SLC4A4: variants seen among roughly 807,000 people sequenced by gnomAD.
SLC4A4 encodes electrogenic sodium bicarbonate cotransporter 1.
Under a neutral mutation model 111.5 loss-of-function variants are expected in SLC4A4, and 27 were observed. The ratio of observed to expected loss-of-function variants is 0.24; its 90% CI spans 0.18 to 0.33. The LOEUF is 0.33. Ranked by LOEUF, SLC4A4 falls within the 10% of genes least tolerant of loss-of-function variation. The probability of loss-of-function intolerance (pLI) is 1.00; values close to 1 mark genes in which losing one functional copy is unlikely to be tolerated. For synonymous variants in SLC4A4, 443 were observed against 463.4 expected, an observed-to-expected ratio of 0.96 and a Z score of 0.57; for missense variants, 909 against 1,315.5, an observed-to-expected ratio of 0.69 and a Z score of 4.78.
chr4:71,466,780 G>T (rs1279654284), intron 13 of SLC4A4, among the ~76,000 whole-genome samples: 2 of 151,958 alleles, frequency 1.3e-5, no homozygotes, highest in Non-Finnish European at 2.9e-5. Context: ...CTCTTATGTT[G>T]TGTGTATCCT....
At chr4:71,444,847 T>G (rs1288605764) in intron 8 of SLC4A4, among the ~76,000 whole-genome samples, 2 of 152,170 alleles carry the variant, frequency 1.3e-5, no homozygotes, top group East Asian at 3.9e-4. Context: ...CATTTTTGGC[T>G]TGAGGTTATG....
chr4:71,343,770 T>A (rs78936190), intron 4 of SLC4A4, among the ~76,000 whole-genome samples: 2,706 of 152,282 alleles, frequency 0.018, 93 homozygotes, highest in African/African-American at 0.062. Context: ...TTACTTCCTT[T>A]ATGAATTATC....
chr4:71,402,334 C>T (rs1042021246), intron 7 of SLC4A4, among the ~76,000 whole-genome samples: 1 of 152,140 alleles, frequency 6.6e-6, no homozygotes, highest in South Asian at 2.1e-4. Flanking sequence ...GACTTTTTCT[C>T]ATGATTTTGA....
At chr4:71,480,203 A>G (rs1227234622) in intron 14 of SLC4A4, among the ~76,000 whole-genome samples, 1 of 151,278 alleles carries the variant, frequency 6.6e-6, no homozygotes, top group Non-Finnish European at 1.5e-5. Flanking sequence ...TATTCATCTC[A>G]ATATCTCCAC....
chr4:71,318,805 G>C (rs1333190432), intron 3 of SLC4A4, among the ~76,000 whole-genome samples: 1 of 148,114 alleles, frequency 6.8e-6, no homozygotes, highest in African/African-American at 2.5e-5. Context: ...TTAGGTTCTT[G>C]TTCTGAAAAA....
At chr4:71,466,145 T>C (rs528068379) in intron 12 of SLC4A4, among the ~76,000 whole-genome samples, 1 of 152,248 alleles carries the variant, frequency 6.6e-6, no homozygotes, top group South Asian at 2.1e-4. Context: ...CTTCAGTTAG[T>C]ATTTTAGTAA....
chr4:71,081,954 C>T (rs1466657228), intron 1 of SLC4A4, among the ~76,000 whole-genome samples: 1 of 152,070 alleles, frequency 6.6e-6, no homozygotes, highest in Non-Finnish European at 1.5e-5. Flanking sequence ...TCCCCAGTGT[C>T]TGTGCTATTA....
intron 1 of SLC4A4, among the ~76,000 whole-genome samples, chr4:71,081,268 A>T (rs1741986694): frequency 6.6e-6 from 1 of 152,060 alleles, no homozygotes. Flanking sequence ...ATATTTGTGG[A>T]AATTCCCCCA....
rs567540592 is a variant in SLC4A4, at chr4:71,360,449, T to G, written c.730+3262T>G. Among the ~76,000 whole-genome samples the G allele has an allele frequency of 5.3e-5, 8 of 152,262 alleles. No individual in the cohort carries two copies. The East Asian group carries it at 1.5e-3, about 29-fold the overall frequency. ...AAGTGTCTATAACTGTTAAAATGAA[T>G]AGCAGAAAAAAATTGAAGAACTTTT... is the stretch of plus-strand genomic sequence containing the variant. On this transcript the variant is annotated intron_variant, in intron 6 of 25. Transcript: ENST00000264485.
intron 3 of SLC4A4, among the ~76,000 whole-genome samples, chr4:71,305,083 T>G (rs1253726169): frequency 6.6e-6 from 1 of 152,256 alleles, no homozygotes; most frequent in Non-Finnish European, 1.5e-5. Context: ...TTCATGAGCT[T>G]ATTTAACCCT....
intron 16 of SLC4A4, among the ~76,000 whole-genome samples, chr4:71,508,907 G>A (rs538285561): frequency 9.9e-5 from 15 of 152,262 alleles, no homozygotes; most frequent in Non-Finnish European, 1.5e-4. Context: ...TATCCACCAC[G>A]ATCAAGTAGG....
At chr4:71,208,443 A>AAT (rs1553962713) in intron 1 of SLC4A4, among the ~76,000 whole-genome samples, 5,710 of 144,702 alleles carry the variant, frequency 0.039, 385 homozygotes, top group African/African-American at 0.14. Flanking sequence ...AAAAAAAAAA[A>AAT]ATATATATAT....
chr4:71,207,165 A>G (rs1016127418), intron 1 of SLC4A4, among the ~76,000 whole-genome samples: 2 of 152,190 alleles, frequency 1.3e-5, no homozygotes, highest in African/African-American at 2.4e-5. Context: ...CATAAGATAG[A>G]TAAGATACTG....
At chr4:71,322,130 G>A (rs1727162025) in intron 3 of SLC4A4, among the ~76,000 whole-genome samples, 1 of 151,982 alleles carries the variant, frequency 6.6e-6, no homozygotes, top group East Asian at 1.9e-4. Context: ...TAATACATCT[G>A]TGGGGAATGT....
intron 1 of SLC4A4, among the ~76,000 whole-genome samples, chr4:71,208,545 G>A (rs537035677): frequency 2.4e-4 from 37 of 151,566 alleles, no homozygotes; most frequent in Admixed American, 5.2e-4. Flanking sequence ...GAAATAAAAT[G>A]TGGTATTACA....
At chr4:71,143,284 T>C (rs1744063476) in intron 2 of SLC4A4, among the ~76,000 whole-genome samples, 1 of 152,172 alleles carries the variant, frequency 6.6e-6, no homozygotes, top group Admixed American at 6.5e-5. Context: ...GAACTCATCA[T>C]TTTTTATGGC....
chr4:71,085,167 A>G (rs898184282), intron 1 of SLC4A4, among the ~76,000 whole-genome samples: 3 of 152,000 alleles, frequency 2.0e-5, no homozygotes, highest in Non-Finnish European at 4.4e-5. Context: ...GAAGATGAGC[A>G]TTTTTTCATG....
At chr4:71,376,156 TACACACACACACACACAC>T (rs146405766) in intron 6 of SLC4A4, among the ~76,000 whole-genome samples, 7 of 135,552 alleles carry the variant, frequency 5.2e-5, no homozygotes, top group Non-Finnish European at 7.8e-5. Flanking sequence ...CCTGTATATA[TACACACACACACACACAC>T]ACACACACAC....
chr4:71,458,000 GTTATGTT>G (rs1278965463), intron 12 of SLC4A4, among the ~76,000 whole-genome samples: 1 of 151,938 alleles, frequency 6.6e-6, no homozygotes, highest in African/African-American at 2.4e-5. Context: ...TTGTTATATT[GTTATGTT>G]TTATTTTTAT....
Sources: allele counts gnomAD v4.1 joint callset (sites outside exome capture counted in the v4.1 genomes callset), GRCh38; gene constraint gnomAD v4.1.1; transcripts MANE v1.5; gene names NCBI Gene and HGNC (gene_info 2026-07-23, HGNC 2026-07-21).